STX2: variants seen among roughly 807,000 people sequenced by gnomAD.
The protein encoded by STX2 is syntaxin-2.
A neutral mutation model predicts 40.6 loss-of-function variants in STX2; 27 were observed. The ratio of observed to expected loss-of-function variants is 0.66; its 90% CI spans 0.49 to 0.92. STX2 has a LOEUF of 0.92. Ranked by LOEUF, STX2 falls within the 40% of genes least tolerant of loss-of-function variation. The pLI is 0.00. For missense variants in STX2, 328 were observed against 366.1 expected, an observed-to-expected ratio of 0.90 and a Z score of 0.85; for synonymous variants, 123 against 119.1, an observed-to-expected ratio of 1.03 and a Z score of -0.22.
chr12:130,831,650 T>C (rs528688128), intron 1 of STX2, among the ~76,000 whole-genome samples: 3 of 152,198 alleles, frequency 2.0e-5, no homozygotes, highest in South Asian at 4.1e-4. Context: ...AATAAATAAA[T>C]ATGTAAATGC....
chr12:130,800,277 A>C (rs1951175029), intron 8 of STX2, among the ~76,000 whole-genome samples: 1 of 151,718 alleles, frequency 6.6e-6, no homozygotes, highest in Non-Finnish European at 1.5e-5. Context: ...CAATATATAC[A>C]TACATACATA....
chr12:130,812,174 T>A (rs1485246976), intron 4 of STX2: 12 of 221,850 alleles, frequency 5.4e-5, no homozygotes, highest in South Asian at 1.4e-4. Flanking sequence ...GCAAACTGTT[T>A]AAAAAAAAAA....
intron 1 of STX2, among the ~76,000 whole-genome samples, chr12:130,834,829 T>C (rs1952702426): frequency 6.6e-6 from 1 of 152,250 alleles, no homozygotes. Flanking sequence ...TGTTCATATA[T>C]TAAACTCTTA....
At chr12:130,811,109 G>C (rs1951631065) in intron 4 of STX2, among the ~76,000 whole-genome samples, 2 of 152,212 alleles carry the variant, frequency 1.3e-5, no homozygotes, top group Non-Finnish European at 2.9e-5. Flanking sequence ...TGTAATCCCA[G>C]CACTTTGGGA....
chr12:130,800,984 T>G (rs1392475360), intron 8 of STX2, among the ~76,000 whole-genome samples, 169 bp downstream of exon 8: 1 of 152,238 alleles, frequency 6.6e-6, no homozygotes, highest in African/African-American at 2.4e-5. Context: ...GTTCAACTGT[T>G]AAAGCTGCTT....
intron 3 of STX2, among the ~76,000 whole-genome samples, chr12:130,820,238 A>T (rs1441358539): frequency 6.6e-6 from 1 of 152,230 alleles, no homozygotes; most frequent in Non-Finnish European, 1.5e-5. Flanking sequence ...CAATTACATG[A>T]CTGGGTACAG....
intron 1 of STX2, among the ~76,000 whole-genome samples, chr12:130,832,853 C>T (rs923564546): frequency 1.3e-5 from 2 of 152,204 alleles, no homozygotes; most frequent in Admixed American, 1.3e-4. Flanking sequence ...TCTGGACTTG[C>T]TGTGCCTTCT....
At chr12:130,837,549 G>C (rs927840921) in intron 1 of STX2, among the ~76,000 whole-genome samples, 1 of 152,158 alleles carries the variant, frequency 6.6e-6, no homozygotes, top group Non-Finnish European at 1.5e-5. Flanking sequence ...CTCCCAAAGT[G>C]CTGGGATTAC....
intron 10 of STX2, 27 bp from the exon 11 acceptor site, chr12:130,792,004 T>G: frequency 6.6e-7 from 1 of 1,507,182 alleles, no homozygotes; most frequent in Non-Finnish European, 9.2e-7. Context: ...AACATTAATT[T>G]GCAATGTATC....
chr12:130,794,655 T>C (rs977791559), intron 10 of STX2, among the ~76,000 whole-genome samples: 3 of 152,000 alleles, frequency 2.0e-5, no homozygotes, highest in Non-Finnish European at 2.9e-5. Context: ...TGTGCCACCA[T>C]GCCCAATTAG....
At chr12:130,808,249 G>C (rs904632160) in intron 5 of STX2, among the ~76,000 whole-genome samples, 1 of 152,142 alleles carries the variant, frequency 6.6e-6, no homozygotes, top group Non-Finnish European at 1.5e-5. Flanking sequence ...TGAACGCAGT[G>C]AGCCCTGAGC....
chr12:130,812,196 C>A, intron 4 of STX2: 1 of 225,226 alleles, frequency 4.4e-6, no homozygotes, highest in South Asian at 4.6e-5. Flanking sequence ...ATCGTAAGAC[C>A]ACTGGGGAAA....
At chr12:130,815,209 G>C (rs1035860823) in intron 3 of STX2, among the ~76,000 whole-genome samples, 1 of 152,196 alleles carries the variant, frequency 6.6e-6, no homozygotes, top group Non-Finnish European at 1.5e-5. Context: ...AGATTCTCAG[G>C]GGAATCTTTC....
chr12:130,811,664 T>C (rs1951661970), intron 4 of STX2, among the ~76,000 whole-genome samples: 1 of 150,326 alleles, frequency 6.7e-6, no homozygotes, highest in African/African-American at 2.5e-5. Context: ...CTCAGCCTCC[T>C]GAGTAGCTGG....
At chr12:130,811,677 C>G (rs886263584) in intron 4 of STX2, among the ~76,000 whole-genome samples, 1 of 151,096 alleles carries the variant, frequency 6.6e-6, no homozygotes, top group South Asian at 2.1e-4. Flanking sequence ...GTAGCTGGGA[C>G]TACAGGCACC....
intron 1 of STX2, among the ~76,000 whole-genome samples, chr12:130,832,995 C>G (rs761811025): frequency 6.6e-6 from 1 of 152,192 alleles, no homozygotes; most frequent in Non-Finnish European, 1.5e-5. Context: ...TCCTTCACAG[C>G]AAGGATTGCG....
intron 3 of STX2, 85 bp from the exon 4 acceptor site, chr12:130,813,116 A>T: frequency 1.2e-6 from 1 of 843,342 alleles, no homozygotes; most frequent in Non-Finnish European, 1.7e-6. Flanking sequence ...ATTTAAGTGA[A>T]ACAGTATCCT....
At position 130,801,308 on chromosome 12, in the gene STX2, A is replaced by G. The variant is rs757726237; in HGVS notation, c.538-18T>C. 42 of 1,604,774 alleles carry G rather than the reference A, an allele frequency of 2.6e-5. 1 individual carries two copies. In the South Asian group the frequency reaches 4.6e-4, roughly 17 times the overall value. On this transcript the variant is annotated intron_variant, in intron 7 of 10. Transcript: ENST00000392373. ...GATATAATCTTGGAAAAACAAAAATAAAAGATAATATTAATAAACTTATGA... is the reference window on the plus strand; with the variant it reads ...GATATAATCTTGGAAAAACAAAAATGAAAGATAATATTAATAAACTTATGA...
intron 1 of STX2, among the ~76,000 whole-genome samples, chr12:130,831,592 G>A (rs925557226): frequency 2.6e-5 from 4 of 152,062 alleles, no homozygotes; most frequent in African/African-American, 4.8e-5. Flanking sequence ...GAGCAGTGAT[G>A]GTGCCACTCC....
Sources: gnomAD v4.1 joint callset for allele counts (sites outside exome capture counted in the v4.1 genomes callset) on GRCh38, gnomAD v4.1.1 for gene constraint, MANE v1.5 for transcripts, NCBI Gene and HGNC (gene_info 2026-07-23, HGNC 2026-07-21) for gene names.